The following CHODL variants were observed in gnomAD, a reference collection of about 807,000 sequenced individuals.
The protein encoded by CHODL is chondrolectin, also known as transmembrane protein MT75.
Under a neutral mutation model 34.5 loss-of-function variants are expected in CHODL, and 29 were observed. That is an observed-to-expected ratio of 0.84 (90% CI 0.63 to 1.15). CHODL has a LOEUF of 1.15. Ranked by LOEUF, CHODL falls within the 50% of genes most tolerant of loss-of-function variation. The pLI, the probability that CHODL is intolerant of heterozygous loss-of-function variation, is 0.00. For synonymous variants in CHODL, 125 were observed against 116.1 expected (o/e 1.08, Z -0.49); for missense variants, 332 against 332.5 (o/e 1.00, Z 0.01).
At chr21:17,987,058 A>C (rs1393623564) in intron 1 of CHODL, among the ~76,000 whole-genome samples, 3 of 152,180 alleles carry the variant, frequency 2.0e-5, no homozygotes, top group Non-Finnish European at 4.4e-5. Flanking sequence ...CAGAAAAGAA[A>C]AGTTAATTTT....
intron 4 of CHODL, among the ~76,000 whole-genome samples, chr21:18,260,746 G>A (rs980068623): frequency 6.6e-5 from 10 of 152,100 alleles, no homozygotes; most frequent in Non-Finnish European, 1.0e-4. Flanking sequence ...CTGGGAAGTC[G>A]AGGCTGCAGT....
At chr21:18,117,755 T>A (rs934971036) in intron 2 of CHODL, among the ~76,000 whole-genome samples, 2 of 151,694 alleles carry the variant, frequency 1.3e-5, no homozygotes, top group African/African-American at 4.8e-5. Context: ...AACAATGAAA[T>A]AGACATTTTA....
chr21:18,261,188 A>T (rs1053630959), intron 4 of CHODL, among the ~76,000 whole-genome samples: 1 of 152,188 alleles, frequency 6.6e-6, no homozygotes, highest in African/African-American at 2.4e-5. Flanking sequence ...TTAATTTACA[A>T]GCTAAATGCA....
At chr21:17,980,297 C>A (rs1314073804) in intron 1 of CHODL, among the ~76,000 whole-genome samples, 1 of 152,070 alleles carries the variant, frequency 6.6e-6, no homozygotes, top group African/African-American at 2.4e-5. Context: ...CCATTATTTA[C>A]CCTATCTAAT....
chr21:18,173,639 G>T (rs1021624946), intron 2 of CHODL, among the ~76,000 whole-genome samples: 13 of 152,146 alleles, frequency 8.5e-5, no homozygotes, highest in African/African-American at 3.1e-4. Flanking sequence ...ATATTTTGCT[G>T]CTTTAATTCT....
chr21:18,104,400 C>T (rs900063090), intron 2 of CHODL, among the ~76,000 whole-genome samples: 6 of 152,084 alleles, frequency 3.9e-5, no homozygotes. Context: ...GCCTTGCTTC[C>T]CCTTCGCCTT....
intron 2 of CHODL, among the ~76,000 whole-genome samples, chr21:18,142,533 A>C (rs1317879384): frequency 1.3e-5 from 2 of 152,142 alleles, no homozygotes; most frequent in Admixed American, 1.3e-4. Flanking sequence ...GTGCAGTGTT[A>C]AGTCCCAGTT....
At chr21:18,264,126 G>A (rs536652627) in intron 5 of CHODL, among the ~76,000 whole-genome samples, 9 of 152,226 alleles carry the variant, frequency 5.9e-5, no homozygotes, top group Admixed American at 5.2e-4. Flanking sequence ...GGTCAGGTGT[G>A]TTTAGAAATA....
At chr21:18,163,028 T>C (rs1405641128) in intron 2 of CHODL, among the ~76,000 whole-genome samples, 1 of 152,244 alleles carries the variant, frequency 6.6e-6, no homozygotes, top group Non-Finnish European at 1.5e-5. Flanking sequence ...TTTGTAGCTA[T>C]CTATACCTAT....
intron 2 of CHODL, among the ~76,000 whole-genome samples, chr21:18,065,190 C>T (rs191340659): frequency 2.5e-4 from 38 of 152,318 alleles, no homozygotes; most frequent in Admixed American, 2.3e-3. Flanking sequence ...CAGAGATTCT[C>T]TTTTTGTAGC....
chr21:18,149,282 C>T (rs1393126747), intron 2 of CHODL, among the ~76,000 whole-genome samples: 1 of 152,150 alleles, frequency 6.6e-6, no homozygotes, highest in Non-Finnish European at 1.5e-5. Flanking sequence ...CTGAATGGAC[C>T]ATCCTCACAC....
intron 1 of CHODL, among the ~76,000 whole-genome samples, chr21:17,951,073 T>A (rs1275155598): frequency 6.6e-6 from 1 of 150,746 alleles, no homozygotes; most frequent in Non-Finnish European, 1.5e-5. Flanking sequence ...TATATTCTTA[T>A]ATAAGAATAT....
At chr21:18,187,200 A>G (rs112071815) in intron 2 of CHODL, among the ~76,000 whole-genome samples, 1 of 152,140 alleles carries the variant, frequency 6.6e-6, no homozygotes, top group Admixed American at 6.6e-5. Context: ...TCAAATCTTC[A>G]TTTTGAGTTT....
chr21:18,221,652 A>T (rs191549994), intron 2 of CHODL, among the ~76,000 whole-genome samples: 20 of 152,288 alleles, frequency 1.3e-4, no homozygotes, highest in African/African-American at 4.3e-4. Flanking sequence ...AACACACGTT[A>T]TGTCTGTGAA....
intron 2 of CHODL, among the ~76,000 whole-genome samples, chr21:18,069,852 G>A (rs117863551): frequency 0.015 from 2,262 of 151,606 alleles, 90 homozygotes; most frequent in East Asian, 0.1. Context: ...TCAAGTGATC[G>A]TCCCTCCTCA....
intron 2 of CHODL, among the ~76,000 whole-genome samples, chr21:18,145,958 G>GTTT (rs112224814): frequency 1.3e-5 from 2 of 151,514 alleles, no homozygotes; most frequent in South Asian, 2.1e-4. Flanking sequence ...TTTTGGTTTT[G>GTTT]TTTTTTGTTG....
intron 2 of CHODL, among the ~76,000 whole-genome samples, chr21:18,081,967 C>T (rs2064947560): frequency 6.6e-6 from 1 of 152,116 alleles, no homozygotes; most frequent in Admixed American, 6.5e-5. Flanking sequence ...TATTGATTTG[C>T]ATATGTTTAA....
intron 2 of CHODL, among the ~76,000 whole-genome samples, chr21:18,036,572 C>T (rs1383428982): frequency 2.0e-5 from 3 of 152,030 alleles, no homozygotes; most frequent in African/African-American, 4.8e-5. Flanking sequence ...TAGAGTGGGA[C>T]AGCGATAGGT....
chr21:18,162,058 G>T (rs2073102105), intron 2 of CHODL, among the ~76,000 whole-genome samples: 1 of 152,106 alleles, frequency 6.6e-6, no homozygotes, highest in Non-Finnish European at 1.5e-5. Context: ...TATGCTCTCT[G>T]CAAGTCACTA....
Sources: gnomAD v4.1 joint callset for allele counts (sites outside exome capture counted in the v4.1 genomes callset) on GRCh38, gnomAD v4.1.1 for gene constraint, MANE v1.5 for transcripts, NCBI Gene and HGNC (gene_info 2026-07-23, HGNC 2026-07-21) for gene names.